Variants in CNTNAP5 observed in about 807,000 individuals in gnomAD.
CNTNAP5 encodes contactin associated protein family member 5, also known as contactin-associated protein-like 5.
CNTNAP5 carries 72 observed loss-of-function variants against 150.2 expected under a neutral mutation model. The ratio of observed to expected loss-of-function variants is 0.48; its 90% CI spans 0.40 to 0.58. CNTNAP5 has a LOEUF of 0.58. CNTNAP5 is among the 20% of genes least tolerant of loss of function. The pLI, the probability that CNTNAP5 is intolerant of heterozygous loss-of-function variation, is 0.00. For missense variants in CNTNAP5, 1,636 were observed against 1,626.2 expected, an observed-to-expected ratio of 1.01 and a Z score of -0.10; for synonymous variants, 672 against 619.8, an observed-to-expected ratio of 1.08 and a Z score of -1.25.
At chr2:124,570,507 T>C (rs1696126951) in intron 11 of CNTNAP5, among the ~76,000 whole-genome samples, 1 of 152,152 alleles carries the variant, frequency 6.6e-6, no homozygotes, top group African/African-American at 2.4e-5. Flanking sequence ...AGACAATGAA[T>C]TGAGAAGGAA....
intron 1 of CNTNAP5, among the ~76,000 whole-genome samples, chr2:124,026,052 C>T (rs1680879164): frequency 6.6e-6 from 1 of 152,204 alleles, no homozygotes; most frequent in Admixed American, 6.5e-5. Context: ...CGGAGAAGGG[C>T]CCCTGGTTCA....
At chr2:124,341,745 G>A (rs1182903794) in intron 3 of CNTNAP5, among the ~76,000 whole-genome samples, 2 of 152,088 alleles carry the variant, frequency 1.3e-5, no homozygotes, top group African/African-American at 4.8e-5. Flanking sequence ...TGAGTATGAA[G>A]CATCTTCAGT....
At chr2:124,272,539 C>A (rs1010590742) in intron 3 of CNTNAP5, among the ~76,000 whole-genome samples, 2 of 152,116 alleles carry the variant, frequency 1.3e-5, no homozygotes, top group African/African-American at 4.8e-5. Context: ...ACATGTTAAA[C>A]CCTAGAATTT....
chr2:124,766,869 G>A (rs1681080158), intron 16 of CNTNAP5, among the ~76,000 whole-genome samples: 1 of 152,156 alleles, frequency 6.6e-6, no homozygotes, highest in Non-Finnish European at 1.5e-5. Context: ...AAAACCCACT[G>A]AAGTAATTGC....
At chr2:124,691,945 C>T (rs899967450) in intron 13 of CNTNAP5, among the ~76,000 whole-genome samples, 10 of 152,124 alleles carry the variant, frequency 6.6e-5, no homozygotes, top group African/African-American at 1.7e-4. Context: ...GCTTTGAACA[C>T]GTAGCTCTGG....
At chr2:124,395,478 T>A (rs2104752800) in intron 3 of CNTNAP5, among the ~76,000 whole-genome samples, 1 of 152,122 alleles carries the variant, frequency 6.6e-6, no homozygotes, top group African/African-American at 2.4e-5. Flanking sequence ...ATTTTCTACA[T>A]CCAATAAATA....
rs1028855129 is a variant in CNTNAP5 at position 124,513,802 on chromosome 2, C to T, written c.1327+9246C>T. ...AGGGAGATGGCCTGGAGAGCTGCAT[C>T]GTGCAGGATGGAAGTGCTCACTCTG... On this transcript the variant is annotated intron_variant, in intron 8 of 23. Transcript: ENST00000682447. Among the ~76,000 whole-genome samples the T allele has an allele frequency of 4.6e-5, 7 of 152,244 alleles. 1 individual carries two copies. The highest frequency in any genetic ancestry group is 9.6e-5 in the African/African-American group (4 of 41,552).
chr2:124,759,732 C>T (rs538675460), intron 14 of CNTNAP5, among the ~76,000 whole-genome samples: 1,623 of 151,968 alleles, frequency 0.011, 18 homozygotes, highest in Non-Finnish European at 0.018. Context: ...TTTGCCTTCA[C>T]CCCTTGTTTC....
chr2:124,676,231 A>G (rs2105063290), intron 13 of CNTNAP5, among the ~76,000 whole-genome samples: 1 of 152,002 alleles, frequency 6.6e-6, no homozygotes, highest in South Asian at 2.1e-4. Context: ...GCAGTTTACA[A>G]CTCCTCCTTA....
At chr2:124,044,406 A>G (rs1281538246) in intron 1 of CNTNAP5, among the ~76,000 whole-genome samples, 1 of 152,230 alleles carries the variant, frequency 6.6e-6, no homozygotes, top group Non-Finnish European at 1.5e-5. Context: ...TTCACAACCC[A>G]GGTAGGATGT....
At chr2:124,365,135 A>T (rs1310785013) in intron 3 of CNTNAP5, among the ~76,000 whole-genome samples, 1 of 152,094 alleles carries the variant, frequency 6.6e-6, no homozygotes, top group Non-Finnish European at 1.5e-5. Context: ...GGGTAGTAAG[A>T]CCTCATCTCT....
At chr2:124,443,249 A>G (rs576638518) in intron 5 of CNTNAP5, among the ~76,000 whole-genome samples, 3 of 148,806 alleles carry the variant, frequency 2.0e-5, no homozygotes, top group Admixed American at 6.7e-5. Context: ...TATATTATTT[A>G]TATATAATTA....
At chr2:124,719,048 A>G (rs540370500) in intron 13 of CNTNAP5, among the ~76,000 whole-genome samples, 1 of 152,260 alleles carries the variant, frequency 6.6e-6, no homozygotes, top group Admixed American at 6.5e-5. Flanking sequence ...CAGAACACTG[A>G]GTGCCTCTTC....
At position 124,720,184 on chromosome 2, in the gene CNTNAP5, A is replaced by G. The variant is rs183859305; in HGVS notation, c.2078-27045A>G. Among the ~76,000 whole-genome samples the G allele has an allele frequency of 6.4e-4, 97 of 152,262 alleles. No individual in the cohort carries two copies. In the East Asian group the frequency reaches 0.011, roughly 17 times the overall value. ...CACGGTGACCCCACACTGTGAGACC[A>G]TTCCCATAAACTGGGCTTCAATTCC... On this transcript the variant is annotated intron_variant, in intron 13 of 23. Coordinates refer to ENST00000682447, the MANE Select transcript of CNTNAP5 (RefSeq NM_001367498.1).
intron 3 of CNTNAP5, among the ~76,000 whole-genome samples, chr2:124,293,294 G>C (rs1688347225): frequency 1.3e-5 from 2 of 151,874 alleles, no homozygotes; most frequent in African/African-American, 2.4e-5. Context: ...TTGCAATTCT[G>C]ATCATTTTGT....
intron 2 of CNTNAP5, 56 bp downstream of exon 2, chr2:124,221,865 A>T: frequency 8.7e-7 from 1 of 1,152,428 alleles, no homozygotes; most frequent in East Asian, 2.5e-5. Context: ...CGTGGTGGGT[A>T]GGTGAAGGAG....
At chr2:124,755,297 G>C (rs540418940) in intron 14 of CNTNAP5, among the ~76,000 whole-genome samples, 1 of 151,986 alleles carries the variant, frequency 6.6e-6, no homozygotes, top group African/African-American at 2.4e-5. Context: ...TGTCTGTAAA[G>C]TCTCATTATT....
chr2:124,040,317 A>C (rs1045911354), intron 1 of CNTNAP5, among the ~76,000 whole-genome samples: 10 of 152,178 alleles, frequency 6.6e-5, no homozygotes, highest in African/African-American at 2.4e-4. Flanking sequence ...TATGGATAGT[A>C]AGTACACATT....
chr2:124,027,360 T>C (rs1680921449), intron 1 of CNTNAP5, among the ~76,000 whole-genome samples: 1 of 152,226 alleles, frequency 6.6e-6, no homozygotes, highest in Non-Finnish European at 1.5e-5. Context: ...GGCAGCAAGC[T>C]AGCTGTGTTT....
Sources: gnomAD v4.1 joint callset for allele counts (sites outside exome capture counted in the v4.1 genomes callset) on GRCh38, gnomAD v4.1.1 for gene constraint, MANE v1.5 for transcripts, NCBI Gene and HGNC (gene_info 2026-07-23, HGNC 2026-07-21) for gene names.